Variants in PSMB11 observed in about 807,000 individuals in gnomAD.
PSMB11 encodes the protein proteasome subunit beta type-11.
For synonymous variants in PSMB11, 163 were observed against 167.7 expected (o/e 0.97, Z 0.22); for missense variants, 411 against 408.2 (o/e 1.01, Z -0.06).
In PSMB11 at chr14:23,042,887, G is replaced by A. The variant is rs2047021829; in HGVS notation, c.662G>A (p.Gly221Asp). 4 of 1,613,998 alleles carry A rather than the reference G, an allele frequency of 2.5e-6. No individual in the cohort carries two copies. Among genetic ancestry groups the A allele is most frequent in the Non-Finnish European group, 3.4e-6 (4 of 1,179,976 alleles). Residue 221 changes from glycine (G) to aspartate (D), a missense_variant, in exon 1 of 1, where the codon GGC becomes GAC. Gly to Asp is a moderately conservative substitution (Grantham distance 94, BLOSUM62 -1). Transcript: ENST00000408907. ...ACCCACCGTGATGCCTATTCAGGGG[G>A]CTCTGTAGACCTTTTCCACGTGCGG... The part of the protein sequence containing the change: ...HATHRDAYSG[G>D]SVDLFHVRES...
Position 23,043,970 on chromosome 14 carries a change from A to T in PSMB11, c.*842A>T, listed in dbSNP as rs139380940. 6.0e-6 allele frequency: 1 copy of T among 167,154 alleles called. No homozygotes were observed. The highest frequency in any genetic ancestry group is 1.5e-5 in the Non-Finnish European group (1 of 68,222). The allele number at this position is 167,154 out of a possible 1,614,324, so 10.4% of individuals were successfully genotyped here. ...AGGCCAGTCCCCTGCCTGGTGGCTC[A>T]TGTGGCTTTATCTTCCAGGCCTGGA... On this transcript the variant is annotated 3_prime_UTR_variant, in exon 1 of 1. Coordinates refer to ENST00000408907, the MANE Select transcript of PSMB11 (RefSeq NM_001099780.2).
rs1468593211 is a variant in PSMB11 at position 23,042,897 on chromosome 14, C to T, written c.672C>T (p.Asp224=). 1 of 1,614,076 alleles carries T rather than the reference C, an allele frequency of 6.2e-7. No individual in the cohort carries two copies. ...HRDAYSGGSV[D]LFHVRESGWE... Reference sequence around the variant, plus strand: ...ATGCCTATTCAGGGGGCTCTGTAGACCTTTTCCACGTGCGGGAGAGTGGAT... The same window carrying T: ...ATGCCTATTCAGGGGGCTCTGTAGATCTTTTCCACGTGCGGGAGAGTGGAT... Residue 224 remains aspartate (D), a synonymous_variant, in exon 1 of 1, where the codon GAC becomes GAT. Coordinates refer to ENST00000408907, the MANE Select transcript of PSMB11 (RefSeq NM_001099780.2).
chr14:23,042,346 A>C lies in PSMB11; in HGVS notation c.121A>C (p.Ile41Leu). 1 of 1,613,692 alleles carries C rather than the reference A, an allele frequency of 6.2e-7. No homozygotes were observed. The highest frequency in any genetic ancestry group is 8.5e-7 in the Non-Finnish European group (1 of 1,180,012). ...TTGTGACCCTCAAACCTTCCTGCAG[A>C]TCCATGGCCCCAGACTGGCCCACGG... Reference protein sequence around the residue: ...RGCDPQTFLQIHGPRLAHGTT... With the variant: ...RGCDPQTFLQLHGPRLAHGTT... The change falls in exon 1 of 1, where the codon ATC (isoleucine) becomes CTC (leucine). Residue 41 changes from isoleucine (I) to leucine (L), a missense_variant. Transcript: ENST00000408907.
chr14:23,042,841 C>T lies in PSMB11; in HGVS notation c.616C>T (p.Arg206Cys), dbSNP rs768517599. 58 of 1,613,142 alleles carry T rather than the reference C, an allele frequency of 3.6e-5. No individual in the cohort carries two copies. Among genetic ancestry groups the T allele is most frequent in the East Asian group, 8.9e-5 (4 of 44,874 alleles). ...MSTQEAYALA[R>C]CAVAHATHRD... ...CACCCAGGAAGCCTACGCCCTGGCT[C>T]GCTGCGCCGTGGCCCACGCCACCCA... is the stretch of plus-strand genomic sequence containing the variant. Residue 206 changes from arginine to cysteine, a missense_variant, in exon 1 of 1, where the codon CGC (arginine) becomes TGC (cysteine). Physicochemically the swap from Arg to Cys is radical, Grantham distance 180. Transcript: ENST00000408907.
rs188001191 is a variant in PSMB11 at position 23,043,810 on chromosome 14, A to T, written c.*682A>T. ...CAGGGTCACACAGTAAGTGGCAGGGATGACACTTAGATCCAGGCCTTCTCC... is the reference window on the plus strand; with the variant it reads ...CAGGGTCACACAGTAAGTGGCAGGGTTGACACTTAGATCCAGGCCTTCTCC... On this transcript the variant is annotated 3_prime_UTR_variant, in exon 1 of 1. Transcript: ENST00000408907. 3.7e-3 allele frequency: 616 copies of T among 167,140 alleles called. 4 individuals carry two copies. Among genetic ancestry groups the T allele is most frequent in the African/African-American group, 0.014 (577 of 41,566 alleles). The allele number at this position is 167,140 out of a possible 1,614,324, so 10.4% of individuals were successfully genotyped here.
Position 23,042,825 on chromosome 14 carries a change from A to G in PSMB11, c.600A>G (p.Glu200=). 6.2e-7 allele frequency: 1 copy of G among 1,613,194 alleles called. No individual in the cohort carries two copies. The highest frequency in any genetic ancestry group is 8.5e-7 in the Non-Finnish European group (1 of 1,179,992). The change falls in exon 1 of 1, where the codon GAA becomes GAG. Residue 200 remains glutamate, a synonymous_variant. Transcript: ENST00000408907. The part of the protein sequence containing the change: ...RGYRYDMSTQ[E]AYALARCAVA... Reference sequence around the variant, plus strand: ...ATCGCTACGACATGAGCACCCAGGAAGCCTACGCCCTGGCTCGCTGCGCCG... The same window carrying G: ...ATCGCTACGACATGAGCACCCAGGAGGCCTACGCCCTGGCTCGCTGCGCCG...
rs764846761 is a variant in PSMB11 at position 23,043,171 on chromosome 14, G to A, written c.*43G>A. ...GGGATGGTGTAGGCCTGGGGAGTGG[G>A]TGGGAGGATGGGCAGCAGGGGGAGG... On this transcript the variant is annotated 3_prime_UTR_variant, in exon 1 of 1. Transcript: ENST00000408907. The A allele has an allele frequency of 5.5e-6, 8 of 1,442,934 alleles. No homozygotes were observed. In the South Asian group the frequency reaches 9.2e-5, roughly 17 times the overall value. The allele number at this position is 1,442,934 out of a possible 1,614,324, so 89.4% of individuals were successfully genotyped here. A position where few individuals can be genotyped will look rare whatever the true frequency, so the allele number is the denominator to read the frequency against.
rs2047019431 is a variant in PSMB11, at chr14:23,042,604, A to G, written c.379A>G (p.Ser127Gly). The change falls in exon 1 of 1, where the codon AGT becomes GGT. Residue 127 changes from serine (S) to glycine (G), a missense_variant. Transcript: ENST00000408907. The part of the protein sequence containing the change: ...LREGQLPSVA[S>G]AAKLLSAMMS... ...GGAGGGTCAGCTGCCCAGTGTGGCC[A>G]GTGCTGCCAAGCTCTTGTCAGCCAT... 6.2e-7 allele frequency: 1 copy of G among 1,614,188 alleles called. No homozygotes were observed. Among genetic ancestry groups the G allele is most frequent in the Non-Finnish European group, 8.5e-7 (1 of 1,180,038 alleles).
Position 23,043,592 on chromosome 14 carries a change from A to G in PSMB11, c.*464A>G. The G allele has an allele frequency of 5.8e-6, 1 of 173,530 alleles. No homozygotes were observed. The allele number at this position is 173,530 out of a possible 1,614,324, so 10.7% of individuals were successfully genotyped here. On this transcript the variant is annotated 3_prime_UTR_variant, in exon 1 of 1. Coordinates refer to ENST00000408907, the MANE Select transcript of PSMB11 (RefSeq NM_001099780.2). ...ACCCGGGAAGGGAGCAGCCCCTCTCAGAACGAGGCGTAGTGATAGACACCC... is the reference window on the plus strand; with the variant it reads ...ACCCGGGAAGGGAGCAGCCCCTCTCGGAACGAGGCGTAGTGATAGACACCC...
In PSMB11 at chr14:23,042,503, CCACCTCTGG is replaced by C; in HGVS notation, c.287_295del (p.Gly96_Ser98del). On this transcript the variant is annotated inframe_deletion, in exon 1 of 1. Coordinates refer to ENST00000408907, the MANE Select transcript of PSMB11 (RefSeq NM_001099780.2). ...CCTGTGCACCAGCACCTCCTGGGTA[CCACCTCTGG>C]CACCTCTGCCGACTGTGCTACCTGG... is the stretch of plus-strand genomic sequence containing the variant. 1 of 1,614,238 alleles carries C rather than the reference CCACCTCTGG, an allele frequency of 6.2e-7. No individual in the cohort carries two copies. The highest frequency in any genetic ancestry group is 8.5e-7 in the Non-Finnish European group (1 of 1,180,048).
rs1435309019 is a variant in PSMB11, at chr14:23,042,801, T to A, written c.576T>A (p.Tyr192Ter). Reference protein sequence around the residue: ...PYAYGVLDRGYRYDMSTQEAY... With the variant: ...PYAYGVLDRG The stretch of plus-strand genomic sequence containing the variant: ...CCTACGGCGTGCTAGACCGTGGCTA[T>A]CGCTACGACATGAGCACCCAGGAAG... The change falls in exon 1 of 1, where the codon TAT (tyrosine) becomes TAA (stop). Residue 192 changes from tyrosine (Y) to a stop codon, truncating the protein, a stop_gained. Transcript: ENST00000408907. LOFTEE classifies it low-confidence loss of function (END_TRUNC). 2.5e-6 allele frequency: 4 copies of A among 1,612,874 alleles called. No individual in the cohort carries two copies. The South Asian group carries it at 4.4e-5, about 18-fold the overall frequency.
Position 23,042,363 on chromosome 14 carries a change from G to A in PSMB11, c.138G>A (p.Leu46=), listed in dbSNP as rs753660968. 3.7e-6 allele frequency: 6 copies of A among 1,613,756 alleles called. No homozygotes were observed. The Admixed American group carries it at 1.0e-4, about 27-fold the overall frequency. ...TCCTGCAGATCCATGGCCCCAGACT[G>A]GCCCACGGCACCACCACTCTGGCCT... ...QTFLQIHGPR[L]AHGTTTLAFR... Residue 46 remains leucine (L), a synonymous_variant, in exon 1 of 1, where the codon CTG becomes CTA. Coordinates refer to ENST00000408907, the MANE Select transcript of PSMB11 (RefSeq NM_001099780.2).
At position 23,043,367 on chromosome 14, in the gene PSMB11, C is replaced by T. The variant is rs1216916464; in HGVS notation, c.*239C>T. The T allele has an allele frequency of 2.4e-5, 12 of 501,298 alleles. No individual in the cohort carries two copies. Among genetic ancestry groups the T allele is most frequent in the Non-Finnish European group, 4.0e-5 (11 of 273,664 alleles). 31.1% of individuals were successfully genotyped at this position (501,298 alleles called of 1,614,324 possible). On this transcript the variant is annotated 3_prime_UTR_variant, in exon 1 of 1. Coordinates refer to ENST00000408907, the MANE Select transcript of PSMB11 (RefSeq NM_001099780.2). ...CCAGCCTCCTTCTTGGCACCAAGTC[C>T]GTCTTTCATTCAACACTTGCAGTGT...
Position 23,042,976 on chromosome 14 carries a change from C to T in PSMB11, c.751C>T (p.Leu251Phe). ...TGTGCTGTACGTGGAGTTACAGAAG[C>T]TCCTGGAGCCGGAGCCAGAGGAGGA... ...ACVLYVELQK[L>F]LEPEPEEDAS... The change falls in exon 1 of 1, where the codon CTC becomes TTC. Residue 251 changes from leucine to phenylalanine, a missense_variant. Leu to Phe is a conservative substitution (Grantham distance 22). Coordinates refer to ENST00000408907, the MANE Select transcript of PSMB11 (RefSeq NM_001099780.2). The T allele has an allele frequency of 6.2e-7, 1 of 1,614,120 alleles. No individual in the cohort carries two copies. Among genetic ancestry groups the T allele is most frequent in the Non-Finnish European group, 8.5e-7 (1 of 1,180,022 alleles).
In PSMB11 at chr14:23,042,724, G is replaced by A. The variant is rs548021843; in HGVS notation, c.499G>A (p.Gly167Ser). Reference protein sequence around the residue: ...GPELFYVYSDGTRLQGDIFSV... With the variant: ...GPELFYVYSDSTRLQGDIFSV... ...TGAGCTCTTCTACGTCTATAGCGAC[G>A]GCACCCGCCTGCAGGGGGACATCTT... The change falls in exon 1 of 1, where the codon GGC becomes AGC. Residue 167 changes from glycine to serine, a missense_variant. Transcript: ENST00000408907. 66 of 1,612,954 alleles carry A rather than the reference G, an allele frequency of 4.1e-5. No individual in the cohort carries two copies. The highest frequency in any genetic ancestry group is 3.3e-4 in the Middle Eastern group (2 of 6,062).
At position 23,042,654 on chromosome 14, in the gene PSMB11, T is replaced by C. The variant is rs758829051; in HGVS notation, c.429T>C (p.Asp143=). 1 of 1,613,960 alleles carries C rather than the reference T, an allele frequency of 6.2e-7. No individual in the cohort carries two copies. Among genetic ancestry groups the C allele is most frequent in the Non-Finnish European group, 8.5e-7 (1 of 1,180,002 alleles). The stretch of plus-strand genomic sequence containing the variant: ...TGATGTCTCAATACCGGGGACTGGA[T>C]CTCTGTGTGGCCACTGCCCTCTGCG... ...SAMMSQYRGL[D]LCVATALCGW... is the part of the protein sequence containing the mutation. Residue 143 remains aspartate, a synonymous_variant, in exon 1 of 1, where the codon GAT becomes GAC. Coordinates refer to ENST00000408907, the MANE Select transcript of PSMB11 (RefSeq NM_001099780.2).
chr14:23,042,523 G>A lies in PSMB11; in HGVS notation c.298G>A (p.Asp100Asn), dbSNP rs367634748. The change falls in exon 1 of 1, where the codon GAC (aspartate) becomes AAC (asparagine). Residue 100 changes from aspartate (D) to asparagine (N), a missense_variant. By Grantham distance (23) the Asp-to-Asn change is conservative (BLOSUM62 1). Transcript: ENST00000408907. ...LLGTTSGTSA[D>N]CATWYRVLQR... ...GGGTACCACCTCTGGCACCTCTGCC[G>A]ACTGTGCTACCTGGTATCGGGTATT... 118 of 1,614,210 alleles carry A rather than the reference G, an allele frequency of 7.3e-5. No homozygotes were observed. The highest frequency in any genetic ancestry group is 3.3e-4 in the Admixed American group (20 of 60,028).
rs181637075 is a variant in PSMB11, at chr14:23,042,938, G to T, written c.713G>T (p.Arg238Leu). The T allele has an allele frequency of 1.9e-6, 3 of 1,614,156 alleles. No individual in the cohort carries two copies. In the South Asian group the frequency reaches 3.3e-5, roughly 18 times the overall value. ...VRESGWEHVS[R>L]SDACVLYVEL... Reference sequence around the variant, plus strand: ...GAGAGTGGATGGGAGCATGTGTCACGCAGTGATGCCTGTGTGCTGTACGTG... The same window carrying T: ...GAGAGTGGATGGGAGCATGTGTCACTCAGTGATGCCTGTGTGCTGTACGTG... The change falls in exon 1 of 1, where the codon CGC becomes CTC. Residue 238 changes from arginine to leucine, a missense_variant. Coordinates refer to ENST00000408907, the MANE Select transcript of PSMB11 (RefSeq NM_001099780.2).
Position 23,042,212 on chromosome 14 carries a change from A to T in PSMB11, c.-14A>T. On this transcript the variant is annotated 5_prime_UTR_variant, in exon 1 of 1. Transcript: ENST00000408907. ...TCCTGGCTTGCTTCTTCCAAACTTC[A>T]TTCAGCCCCAGGGATGGCTCTGCAG... 1 of 1,538,960 alleles carries T rather than the reference A, an allele frequency of 6.5e-7. No homozygotes were observed.
Sources: allele counts gnomAD v4.1 joint callset, GRCh38; gene constraint gnomAD v4.1.1; transcripts MANE v1.5; gene names NCBI Gene and HGNC (gene_info 2026-07-23, HGNC 2026-07-21).